The following PTCD2 variants were observed in gnomAD, a reference collection of about 807,000 sequenced individuals.
The protein encoded by PTCD2 is pentatricopeptide repeat-containing protein 2, mitochondrial.
PTCD2 carries 31 observed loss-of-function variants against 42.6 expected under a neutral mutation model. The observed-to-expected ratio is 0.73, with a 90% CI of 0.55 to 0.98. The LOEUF is 0.98. Among genes scored for constraint, PTCD2 ranks in the 50% least tolerant of loss-of-function variants. The pLI, the probability that PTCD2 is intolerant of heterozygous loss-of-function variation, is 0.00. For missense variants in PTCD2, 476 were observed against 454.8 expected (o/e 1.05, Z -0.42); for synonymous variants, 183 against 170.9 (o/e 1.07, Z -0.55).
At chr5:72,343,857 T>G (rs994031866) in intron 8 of PTCD2, among the ~76,000 whole-genome samples, 3 of 152,160 alleles carry the variant, frequency 2.0e-5, no homozygotes, top group African/African-American at 7.2e-5. Flanking sequence ...CTGCCCATAT[T>G]GAGACTCCTT....
intron 8 of PTCD2, among the ~76,000 whole-genome samples, chr5:72,343,988 T>C (rs950188477): frequency 2.6e-5 from 4 of 152,158 alleles, no homozygotes; most frequent in African/African-American, 7.2e-5. Context: ...AATGGAAATG[T>C]GTAAGCATTA....
At chr5:72,350,493 C>T (rs1196581979) in intron 8 of PTCD2, among the ~76,000 whole-genome samples, 1 of 152,118 alleles carries the variant, frequency 6.6e-6, no homozygotes, top group Non-Finnish European at 1.5e-5. Context: ...GCTTTGGATG[C>T]AACACTGTGT....
In PTCD2 at chr5:72,335,004, T is replaced by C; in HGVS notation, c.469-14T>C. ...TTTAACTTTTAACCAAACTGTATTG[T>C]TCTTCTTCGTTAGCATTTACGAGGT... On this transcript the variant is annotated splice_polypyrimidine_tract_variant and intron_variant, in intron 4 of 9. Coordinates refer to ENST00000380639, the MANE Select transcript of PTCD2 (RefSeq NM_024754.5). 6.5e-7 allele frequency: 1 copy of C among 1,537,432 alleles called. No individual in the cohort carries two copies. Among genetic ancestry groups the C allele is most frequent in the Non-Finnish European group, 9.0e-7 (1 of 1,110,934 alleles).
chr5:72,358,313 T>C lies in PTCD2; in HGVS notation c.1053T>C (p.Asp351=). The C allele has an allele frequency of 6.8e-6, 11 of 1,614,072 alleles. No individual in the cohort carries two copies. Among genetic ancestry groups the C allele is most frequent in the Non-Finnish European group, 9.3e-6 (11 of 1,179,992 alleles). The change falls in exon 10 of 10, where the codon GAT becomes GAC. Residue 351 remains aspartate, a synonymous_variant. Coordinates refer to ENST00000380639, the MANE Select transcript of PTCD2 (RefSeq NM_024754.5). ...GCCAGGTCACCACTGATTCTTTGGA[T>C]GCTGTGCTCTGCCACACCCCCAGGG... The part of the protein sequence containing the change: ...ITGQVTTDSL[D]AVLCHTPRDR...
intron 9 of PTCD2, among the ~76,000 whole-genome samples, chr5:72,353,485 G>A (rs1269526613): frequency 1.3e-5 from 2 of 152,094 alleles, no homozygotes; most frequent in African/African-American, 2.4e-5. Context: ...AATGTAATAT[G>A]ACTCCAATAA....
chr5:72,342,078 A>G (rs1752096398), intron 7 of PTCD2, among the ~76,000 whole-genome samples: 1 of 151,820 alleles, frequency 6.6e-6, no homozygotes, highest in Non-Finnish European at 1.5e-5. Context: ...TAAATAAATA[A>G]AAATAAAAAT....
Position 72,352,732 on chromosome 5 carries a change from G to C in PTCD2, c.920G>C (p.Arg307Thr). The C allele has an allele frequency of 1.3e-6, 2 of 1,589,968 alleles. No individual in the cohort carries two copies. The highest frequency in any genetic ancestry group is 1.7e-6 in the Non-Finnish European group (2 of 1,158,382). Reference sequence around the variant, plus strand: ...GGAAATTTATCAAAATTTGTGAAAAGACATGTGTTCTCGGAGGAAGTGGTG... The same window carrying C: ...GGAAATTTATCAAAATTTGTGAAAACACATGTGTTCTCGGAGGAAGTGGTG... ...AEGNLSKFVK[R>T]HVFSEEVLAK... Residue 307 changes from arginine (R) to threonine (T), a missense_variant, in exon 9 of 10, where the codon AGA (arginine) becomes ACA (threonine). Coordinates refer to ENST00000380639, the MANE Select transcript of PTCD2 (RefSeq NM_024754.5).
At chr5:72,351,817 G>A (rs912614276) in intron 8 of PTCD2, among the ~76,000 whole-genome samples, 1 of 152,002 alleles carries the variant, frequency 6.6e-6, no homozygotes, top group African/African-American at 2.4e-5. Flanking sequence ...ATTTGGGTGG[G>A]GACACAAAGC....
chr5:72,352,338 G>A (rs1231382846), intron 8 of PTCD2, among the ~76,000 whole-genome samples: 2 of 152,102 alleles, frequency 1.3e-5, no homozygotes, highest in African/African-American at 4.8e-5. Context: ...AGTAGAGATG[G>A]GGTTTCACCA....
At position 72,365,590 on chromosome 5, in the gene PTCD2, C is replaced by T. The variant is rs1753185768; in HGVS notation, c.*7163C>T. On this transcript the variant is annotated 3_prime_UTR_variant, in exon 10 of 10. Transcript: ENST00000380639. Reference sequence around the variant, plus strand: ...TGTATTCTACCGCATCCCAGGGAGACTCATGTAGCCATGAAGACTGAAGAG... The same window carrying T: ...TGTATTCTACCGCATCCCAGGGAGATTCATGTAGCCATGAAGACTGAAGAG... The T allele has an allele frequency of 6.6e-6, 1 of 152,200 alleles. No individual in the cohort carries two copies. The highest frequency in any genetic ancestry group is 6.5e-5 in the Admixed American group (1 of 15,272). The allele number at this position is 152,200 out of a possible 1,614,324, so 9.4% of individuals were successfully genotyped here. A position where few individuals can be genotyped will look rare whatever the true frequency, so the allele number is the denominator to read the frequency against.
intron 2 of PTCD2, among the ~76,000 whole-genome samples, 181 bp downstream of exon 2, chr5:72,322,445 A>G (rs1290561855): frequency 1.3e-5 from 2 of 152,208 alleles, no homozygotes; most frequent in African/African-American, 2.4e-5. Context: ...TGCTGCTACA[A>G]CGTCTACAGC....
intron 1 of PTCD2, chr5:72,320,713 G>T (rs1750783479): frequency 1.5e-6 from 1 of 645,452 alleles, no homozygotes; most frequent in Non-Finnish European, 2.6e-6. Context: ...TCGAAGGACT[G>T]CTGGGGTATT....
rs1283068559 is a variant in PTCD2 at position 72,346,446 on chromosome 5, C to T, written c.828+3410C>T. 5.3e-5 allele frequency among the ~76,000 whole-genome samples: 8 copies of T among 152,254 alleles called. No homozygotes were observed. The East Asian group carries it at 1.2e-3, about 22-fold the overall frequency. On this transcript the variant is annotated intron_variant, in intron 8 of 9. Transcript: ENST00000380639. The stretch of plus-strand genomic sequence containing the variant: ...ACTTGCAGCTGTGTAGAAATCCAAG[C>T]GGCTGAGAGCCCTCCCTGTCTTAGC...
At chr5:72,349,580 G>A (rs1752518090) in intron 8 of PTCD2, among the ~76,000 whole-genome samples, 1 of 151,934 alleles carries the variant, frequency 6.6e-6, no homozygotes, top group Non-Finnish European at 1.5e-5. Context: ...TCCCTTTTTT[G>A]TTCAAAGGTA....
chr5:72,350,045 C>G (rs759529964), intron 8 of PTCD2, among the ~76,000 whole-genome samples: 1 of 152,198 alleles, frequency 6.6e-6, no homozygotes, highest in Non-Finnish European at 1.5e-5. Flanking sequence ...AACCAAGCTC[C>G]TCTTCTTGTT....
rs1224303032 is a variant in PTCD2 at position 72,350,033 on chromosome 5, G to T, written c.829-2608G>T. On this transcript the variant is annotated intron_variant, in intron 8 of 9. Coordinates refer to ENST00000380639, the MANE Select transcript of PTCD2 (RefSeq NM_024754.5). Reference sequence around the variant, plus strand: ...TGGTTTATTTTTGTAAATTGCTGGGGGAACCAAGCTCCTCTTCTTGTTTAT... The same window carrying T: ...TGGTTTATTTTTGTAAATTGCTGGGTGAACCAAGCTCCTCTTCTTGTTTAT... 2.6e-5 allele frequency among the ~76,000 whole-genome samples: 4 copies of T among 152,156 alleles called. 1 individual carries two copies. Among genetic ancestry groups the T allele is most frequent in the Admixed American group, 2.6e-4 (4 of 15,274 alleles).
intron 1 of PTCD2, chr5:72,320,834 C>T (rs565812452): frequency 7.3e-5 from 19 of 261,596 alleles, no homozygotes; most frequent in African/African-American, 4.2e-4. Flanking sequence ...GAGACGAAGT[C>T]TTGCTCTGTC....
chr5:72,352,897 A>G lies in PTCD2; in HGVS notation c.942+143A>G. 1.2e-5 allele frequency: 7 copies of G among 561,886 alleles called. No individual in the cohort carries two copies. The South Asian group carries it at 1.8e-4, about 14-fold the overall frequency. The allele number at this position is 561,886 out of a possible 1,614,324, so 34.8% of individuals were successfully genotyped here. On this transcript the variant is annotated intron_variant, in intron 9 of 9. Coordinates refer to ENST00000380639, the MANE Select transcript of PTCD2 (RefSeq NM_024754.5). ...CTGTTGTTCCTGTTTTAAGACTTCC[A>G]TGTATATGTGCAAAGATTTTTTTTT...
At chr5:72,357,052 T>C (rs1752909222) in intron 9 of PTCD2, among the ~76,000 whole-genome samples, 1 of 152,210 alleles carries the variant, frequency 6.6e-6, no homozygotes, top group Non-Finnish European at 1.5e-5. Context: ...TTTTGGGGGT[T>C]AAATACCATC....
Sources: gnomAD v4.1 joint callset for allele counts (sites outside exome capture counted in the v4.1 genomes callset) on GRCh38, gnomAD v4.1.1 for gene constraint, MANE v1.5 for transcripts, NCBI Gene and HGNC (gene_info 2026-07-23, HGNC 2026-07-21) for gene names.